Variants in LOC128462377 observed in about 807,000 individuals in gnomAD.
At chr16:89,384,885 T>C in the LOC128462377 span, among the ~76,000 whole-genome samples, 99 of 109,986 alleles carry the variant, frequency 9.0e-4, 1 homozygote, top group African/African-American at 3.6e-3. Context: ...TTTTCTTTTT[T>C]TTTTTTTTTT....
chr16:89,410,899 C>A, the LOC128462377 span, among the ~76,000 whole-genome samples: 1 of 152,208 alleles, frequency 6.6e-6, no homozygotes, highest in Admixed American at 6.5e-5. Flanking sequence ...CTACACAGAG[C>A]CTTATGTACT....
At chr16:89,372,862 C>T in the LOC128462377 span, 77,089 of 152,002 alleles carry the variant, frequency 0.51, 19,940 homozygotes, top group Middle Eastern at 0.71. Flanking sequence ...CCTGCACCAC[C>T]CGTTCATCAG....
At chr16:89,347,282 C>A in the LOC128462377 span, among the ~76,000 whole-genome samples, 1 of 152,130 alleles carries the variant, frequency 6.6e-6, no homozygotes, top group Non-Finnish European at 1.5e-5. Flanking sequence ...ATGTGTGTAC[C>A]TGTATGTGTG....
At chr16:89,411,861 G>A in the LOC128462377 span, among the ~76,000 whole-genome samples, 2 of 152,154 alleles carry the variant, frequency 1.3e-5, no homozygotes, top group African/African-American at 4.8e-5. Context: ...GGCCAGTAAC[G>A]AAGATGCCTC....
the LOC128462377 span, among the ~76,000 whole-genome samples, chr16:89,375,864 C>T: frequency 3.3e-5 from 5 of 151,628 alleles, no homozygotes; most frequent in African/African-American, 1.2e-4. Context: ...CACAGACCCA[C>T]ACAAAGTGCC....
chr16:89,367,126 C>G, the LOC128462377 span, among the ~76,000 whole-genome samples: 13 of 152,188 alleles, frequency 8.5e-5, no homozygotes, highest in Non-Finnish European at 1.6e-4. Context: ...ACTACCTCAA[C>G]TCTCCACCCC....
the LOC128462377 span, among the ~76,000 whole-genome samples, chr16:89,411,704 C>T: frequency 2.0e-5 from 3 of 152,064 alleles, no homozygotes; most frequent in East Asian, 1.9e-4. Context: ...AGTTTACATT[C>T]GGAACCCACC....
the LOC128462377 span, chr16:89,360,567 C>T: frequency 6.6e-5 from 10 of 152,170 alleles, no homozygotes; most frequent in Non-Finnish European, 1.2e-4. Context: ...TTACTTTCAC[C>T]ACTAAAATGG....
chr16:89,377,861 A>G, the LOC128462377 span, among the ~76,000 whole-genome samples: 1 of 148,938 alleles, frequency 6.7e-6, no homozygotes, highest in Middle Eastern at 3.4e-3. Flanking sequence ...TACCTCTTCC[A>G]CCCCCGCCCC....
the LOC128462377 span, among the ~76,000 whole-genome samples, chr16:89,335,524 C>G: frequency 2.6e-5 from 4 of 152,216 alleles, no homozygotes; most frequent in Non-Finnish European, 5.9e-5. Flanking sequence ...GAACGCTATA[C>G]CACTCCCATG....
the LOC128462377 span, among the ~76,000 whole-genome samples, chr16:89,354,468 C>G: frequency 2.0e-5 from 3 of 152,338 alleles, no homozygotes; most frequent in East Asian, 5.8e-4. Context: ...CCTCCCTGCA[C>G]CAGTGGAAAT....
the LOC128462377 span, among the ~76,000 whole-genome samples, chr16:89,343,406 A>T: frequency 6.6e-6 from 1 of 152,252 alleles, no homozygotes. Flanking sequence ...AAATTATTTC[A>T]AAGTAAAAAT....
At chr16:89,388,293 A>ATTTTTTTTTTTTTTTTTTT in the LOC128462377 span, among the ~76,000 whole-genome samples, 2 of 85,298 alleles carry the variant, frequency 2.3e-5, no homozygotes, top group African/African-American at 4.3e-5. Context: ...CATGAGGCTG[A>ATTTTTTTTTTTTTTTTTTT]TTTTTTTTTT....
the LOC128462377 span, among the ~76,000 whole-genome samples, chr16:89,402,308 T>A: frequency 6.6e-6 from 1 of 152,116 alleles, no homozygotes; most frequent in African/African-American, 2.4e-5. Flanking sequence ...TCAGCGATAC[T>A]AATGTACAGT....
At chr16:89,341,105 T>C in the LOC128462377 span, among the ~76,000 whole-genome samples, 1 of 152,330 alleles carries the variant, frequency 6.6e-6, no homozygotes, top group South Asian at 2.1e-4. Flanking sequence ...TCATGTGGAC[T>C]GTTTATATGC....
chr16:89,398,498 C>T, the LOC128462377 span, among the ~76,000 whole-genome samples: 1 of 152,184 alleles, frequency 6.6e-6, no homozygotes, highest in African/African-American at 2.4e-5. Flanking sequence ...ATGAGGACTG[C>T]TTGAGCCCAG....
the LOC128462377 span, among the ~76,000 whole-genome samples, chr16:89,338,183 G>A: frequency 2.6e-5 from 4 of 152,104 alleles, no homozygotes; most frequent in African/African-American, 4.8e-5. Flanking sequence ...GCCCCGAGAC[G>A]CACTCTCACT....
chr16:89,400,715 C>A, the LOC128462377 span, among the ~76,000 whole-genome samples: 30 of 2,464 alleles, frequency 0.012, 4 homozygotes, highest in Admixed American at 0.04. Flanking sequence ...GCGCTGGGGG[C>A]CGGTCATCTG....
At chr16:89,318,962 G>A in the LOC128462377 span, among the ~76,000 whole-genome samples, 1 of 152,116 alleles carries the variant, frequency 6.6e-6, no homozygotes, top group African/African-American at 2.4e-5. Flanking sequence ...CCACAAAACC[G>A]GAATGTCTCA....
Sources: gnomAD v4.1 joint callset for allele counts (sites outside exome capture counted in the v4.1 genomes callset) on GRCh38, gnomAD v4.1.1 for gene constraint, MANE v1.5 for transcripts.